SEL1L3: variants seen among roughly 807,000 people sequenced by gnomAD.
SEL1L3 encodes protein sel-1 homolog 3.
In SEL1L3, 76 loss-of-function variants were observed where a neutral mutation model predicts 142.8. The observed-to-expected ratio is 0.53, with a 90% CI of 0.44 to 0.64. The LOEUF (loss-of-function observed/expected upper bound fraction) is 0.64. Ranked by LOEUF, SEL1L3 falls within the 30% of genes least tolerant of loss-of-function variation. The pLI is 0.00. For synonymous variants in SEL1L3, 504 were observed against 519.6 expected (o/e 0.97, Z 0.41); for missense variants, 1,262 against 1,381.7 (o/e 0.91, Z 1.37).
At chr4:25,807,917 T>C (rs543567422) in intron 9 of SEL1L3, among the ~76,000 whole-genome samples, 8 of 151,786 alleles carry the variant, frequency 5.3e-5, no homozygotes, top group African/African-American at 1.9e-4. Flanking sequence ...AATTCAAAAC[T>C]CCCCCCAAAA....
chr4:25,799,944 C>G (rs1713063289), intron 11 of SEL1L3, among the ~76,000 whole-genome samples: 1 of 152,104 alleles, frequency 6.6e-6, no homozygotes, highest in African/African-American at 2.4e-5. Context: ...GGAGGAAGAG[C>G]AGCTTTTGAG....
the SEL1L3 span, among the ~76,000 whole-genome samples, chr4:25,737,954 A>C: frequency 6.6e-6 from 1 of 152,078 alleles, no homozygotes; most frequent in Admixed American, 6.6e-5. Context: ...CAATAGCACC[A>C]TCTTGGCTGA....
At chr4:25,765,568 T>C in intron 19 of SEL1L3, 133 bp from the exon 20 acceptor site, 1 of 623,772 alleles carries the variant, frequency 1.6e-6, no homozygotes, top group South Asian at 2.0e-5. Context: ...TATGTTTCCC[T>C]GATGTGTCAA....
At chr4:25,736,856 CCCTTTT>C in the SEL1L3 span, among the ~76,000 whole-genome samples, 70,600 of 151,354 alleles carry the variant, frequency 0.47, 16,864 homozygotes, top group East Asian at 0.67. Flanking sequence ...CATCCTACTG[CCCTTTT>C]CCTTTTTGTC....
rs1200525762 is a variant in SEL1L3 at position 25,776,356 on chromosome 4, C to G, written c.2590G>C (p.Ala864Pro). 3 of 1,608,458 alleles carry G rather than the reference C, an allele frequency of 1.9e-6. No homozygotes were observed. The African/African-American group carries it at 4.0e-5, about 22-fold the overall frequency. Residue 864 changes from alanine to proline, a missense_variant, in exon 17 of 24, where the codon GCA (alanine) becomes CCA (proline). Physicochemically the swap from Ala to Pro is conservative, Grantham distance 27. This residue lies in a region of SEL1L3 where 435 missense variants were observed against 559.2 expected (regional missense o/e 0.78). Transcript: ENST00000399878. ...CCATTTTTCTCAGCTACATGTTTTG[C>G]CCATCTGAAAAAAAAAAGGGAAGAG... is the stretch of plus-strand genomic sequence containing the variant. ...PRDPEKAVVW[A>P]KHVAEKNGYL...
Position 25,847,511 on chromosome 4 carries a change from T to C in SEL1L3, c.516A>G (p.Ile172Met). ...IRHSISVSAV[I>M]VRAWITHKYS... Reference sequence around the variant, plus strand: ...ATTTGTGAGTAATCCAGGCGCGTACTATCACTGCAGATACAGAGATGGAAT... The same window carrying C: ...ATTTGTGAGTAATCCAGGCGCGTACCATCACTGCAGATACAGAGATGGAAT... Residue 172 changes from isoleucine to methionine, a missense_variant, in exon 2 of 24, where the codon ATA (isoleucine) becomes ATG (methionine). This residue lies in a region of SEL1L3 where 689 missense variants were observed against 692.8 expected (regional missense o/e 0.99). Coordinates refer to ENST00000399878, the MANE Select transcript of SEL1L3 (RefSeq NM_015187.5). 5 of 1,613,836 alleles carry C rather than the reference T, an allele frequency of 3.1e-6. No individual in the cohort carries two copies. Among genetic ancestry groups the C allele is most frequent in the Non-Finnish European group, 4.2e-6 (5 of 1,179,724 alleles).
chr4:25,854,436 C>T (rs1005116033), intron 1 of SEL1L3, among the ~76,000 whole-genome samples: 6 of 152,156 alleles, frequency 3.9e-5, no homozygotes, highest in East Asian at 1.9e-4. Context: ...TGCCACCACA[C>T]CCGGGTAATT....
chr4:25,729,089 T>A, the SEL1L3 span, among the ~76,000 whole-genome samples: 25,285 of 152,022 alleles, frequency 0.17, 2,950 homozygotes, highest in African/African-American at 0.34. Context: ...AAAGAATGGA[T>A]GATTCCTCCA....
chr4:25,830,173 A>G lies in SEL1L3; in HGVS notation c.1099-17T>C. On this transcript the variant is annotated splice_polypyrimidine_tract_variant and intron_variant, in intron 5 of 23. Coordinates refer to ENST00000399878, the MANE Select transcript of SEL1L3 (RefSeq NM_015187.5). ...TACTACTATCTATGATGGGAGGGAT[A>G]CACAAGAATCAGTTATGCCTCATCA... 1.3e-6 allele frequency: 2 copies of G among 1,564,660 alleles called. No homozygotes were observed. The highest frequency in any genetic ancestry group is 1.8e-6 in the Non-Finnish European group (2 of 1,135,740).
chr4:25,815,978 T>C (rs1714364978), intron 9 of SEL1L3, among the ~76,000 whole-genome samples: 1 of 150,818 alleles, frequency 6.6e-6, no homozygotes, highest in Non-Finnish European at 1.5e-5. Context: ...AAAATGTCAA[T>C]ATTGTGAGAT....
chr4:25,714,212 T>G, the SEL1L3 span, among the ~76,000 whole-genome samples: 1 of 152,166 alleles, frequency 6.6e-6, no homozygotes, highest in Non-Finnish European at 1.5e-5. Context: ...CTGCAGTAGC[T>G]GAAGCCCCAT....
the SEL1L3 span, among the ~76,000 whole-genome samples, chr4:25,715,677 T>A: frequency 5.3e-5 from 8 of 152,100 alleles, no homozygotes; most frequent in Admixed American, 4.6e-4. Context: ...CCACTAAATA[T>A]TAATCTTGTT....
At chr4:25,724,278 G>A in the SEL1L3 span, among the ~76,000 whole-genome samples, 1 of 152,004 alleles carries the variant, frequency 6.6e-6, no homozygotes, top group Non-Finnish European at 1.5e-5. Flanking sequence ...AATTAGCCAG[G>A]CATGGTGGAG....
downstream of SEL1L3, among the ~76,000 whole-genome samples, chr4:25,746,197 C>CA (rs1717255872): frequency 6.6e-6 from 1 of 151,502 alleles, no homozygotes; most frequent in African/African-American, 2.4e-5. Flanking sequence ...AAGTGTGTGG[C>CA]AAAAAATATA....
intron 19 of SEL1L3, 39 bp from the exon 20 acceptor site, chr4:25,765,474 T>G (rs1382679833): frequency 7.5e-7 from 1 of 1,337,294 alleles, no homozygotes; most frequent in Admixed American, 1.7e-5. Context: ...GTCAAGTGGT[T>G]TTTTTTATAC....
chr4:25,790,273 G>T (rs1712199368), intron 12 of SEL1L3, among the ~76,000 whole-genome samples, 182 bp downstream of exon 12: 1 of 152,160 alleles, frequency 6.6e-6, no homozygotes, highest in South Asian at 2.1e-4. Flanking sequence ...TGTCAGCTTG[G>T]ACTCTTAAGG....
At chr4:25,810,861 G>T (rs1355627760) in intron 9 of SEL1L3, among the ~76,000 whole-genome samples, 2 of 152,250 alleles carry the variant, frequency 1.3e-5, no homozygotes, top group Non-Finnish European at 1.5e-5. Flanking sequence ...ATGCGCTGCA[G>T]TTGGGCACCC....
At chr4:25,804,159 T>C (rs1243067172) in intron 10 of SEL1L3, among the ~76,000 whole-genome samples, 1 of 152,204 alleles carries the variant, frequency 6.6e-6, no homozygotes, top group African/African-American at 2.4e-5. Context: ...CAGCAATACT[T>C]TGCTTCAAGG....
chr4:25,809,392 A>G (rs1577639109), intron 9 of SEL1L3, among the ~76,000 whole-genome samples: 2 of 147,120 alleles, frequency 1.4e-5, no homozygotes, highest in African/African-American at 5.0e-5. Flanking sequence ...CAATCCACCC[A>G]CCTCTGCCTA....
Sources: gnomAD v4.1 joint callset for allele counts (sites outside exome capture counted in the v4.1 genomes callset) on GRCh38, gnomAD v4.1.1 for gene constraint, gnomAD v4.1.1 regional missense constraint, MANE v1.5 for transcripts, NCBI Gene and HGNC (gene_info 2026-07-23, HGNC 2026-07-21) for gene names.